ATG7: variants seen among roughly 807,000 people sequenced by gnomAD.
ATG7 encodes the protein ubiquitin-like modifier-activating enzyme ATG7.
In ATG7, 70 loss-of-function variants were observed where a neutral mutation model predicts 82.4. The observed-to-expected ratio is 0.85, with a 90% CI of 0.70 to 1.04. The LOEUF is 1.04. Among genes scored for constraint, ATG7 ranks in the 50% least tolerant of loss-of-function variants. ATG7 has a pLI of 0.00. For synonymous variants in ATG7, 287 were observed against 313.0 expected (o/e 0.92, Z 0.88); for missense variants, 792 against 864.3 (o/e 0.92, Z 1.05).
chr3:11,412,699 C>CT (rs937786024), intron 19 of ATG7, among the ~76,000 whole-genome samples: 70 of 151,116 alleles, frequency 4.6e-4, no homozygotes, highest in East Asian at 3.3e-3. Context: ...TTTAGGATGG[C>CT]TTTTTTTTTA....
In ATG7 at chr3:11,334,969, AAAAAAAATCTCT is replaced by A. The variant is rs574688990; in HGVS notation, c.889+1877_889+1888del. Among the ~76,000 whole-genome samples, 747 of 151,436 alleles carry A rather than the reference AAAAAAAATCTCT, an allele frequency of 4.9e-3. 5 individuals are homozygous for A. The highest frequency in any genetic ancestry group is 5.6e-3 in the Non-Finnish European group (377 of 67,868). On this transcript the variant is annotated intron_variant, in intron 11 of 20. Coordinates refer to ENST00000693202, the MANE Select transcript of ATG7 (RefSeq NM_001349232.2). ...ACTCTGTCTCAAAAAAAAAAAAAAA[AAAAAAAATCTCT>A]TCTGAGATATCTTTTCTAGAGTGCT...
intron 20 of ATG7, among the ~76,000 whole-genome samples, chr3:11,512,101 A>C (rs2092093931): frequency 6.6e-6 from 1 of 152,170 alleles, no homozygotes; most frequent in East Asian, 1.9e-4. Context: ...GAGCCCAGGC[A>C]GGGGAGGTGC....
chr3:11,542,813 T>C (rs901650434), intron 20 of ATG7, among the ~76,000 whole-genome samples: 1 of 152,176 alleles, frequency 6.6e-6, no homozygotes, highest in Non-Finnish European at 1.5e-5. Flanking sequence ...TTGGAACGGC[T>C]GAGCATAACC....
chr3:11,422,336 A>T (rs1576303124), intron 19 of ATG7, among the ~76,000 whole-genome samples: 1 of 152,372 alleles, frequency 6.6e-6, no homozygotes, highest in Non-Finnish European at 1.5e-5. Context: ...AACATGTTGC[A>T]GCTTCTACAT....
the ATG7 span, among the ~76,000 whole-genome samples, chr3:11,574,117 C>T: frequency 2.6e-5 from 4 of 152,174 alleles, no homozygotes; most frequent in East Asian, 1.9e-4. Context: ...GCACCAGGAA[C>T]GGTGAGACAA....
In ATG7 at chr3:11,299,523, C is replaced by A; in HGVS notation, c.215+107C>A. 2.5e-6 allele frequency: 3 copies of A among 1,178,558 alleles called. No homozygotes were observed. The South Asian group carries it at 3.7e-5, about 15-fold the overall frequency. 73.0% of individuals were successfully genotyped at this position (1,178,558 alleles called of 1,614,324 possible). On this transcript the variant is annotated intron_variant, in intron 5 of 20. Coordinates refer to ENST00000693202, the MANE Select transcript of ATG7 (RefSeq NM_001349232.2). ...GGACCACAGGAGGACTAGGGAAGTTCCCGGTGGGCAGAGTCAGCCCCCCTC... is the reference window on the plus strand; with the variant it reads ...GGACCACAGGAGGACTAGGGAAGTTACCGGTGGGCAGAGTCAGCCCCCCTC...
At chr3:11,449,949 T>G (rs890286053) in intron 20 of ATG7, among the ~76,000 whole-genome samples, 16 of 152,184 alleles carry the variant, frequency 1.1e-4, no homozygotes, top group African/African-American at 3.1e-4. Context: ...CATCAAGTTT[T>G]GTGTTTGGCC....
chr3:11,342,264 A>C lies in ATG7; in HGVS notation c.1110A>C (p.Val370=), dbSNP rs1027693092. The change falls in exon 13 of 21, where the codon GTA becomes GTC. Residue 370 remains valine, a synonymous_variant. Transcript: ENST00000693202. ...GAGCCGGCACCTTGGGTTGCAATGT[A>C]GCTAGGACGTTGATGGTAAGTCGGA... ...LLGAGTLGCN[V]ARTLMGWGVR... 6 of 1,612,794 alleles carry C rather than the reference A, an allele frequency of 3.7e-6. No individual in the cohort carries two copies. The African/African-American group carries it at 4.0e-5, about 11-fold the overall frequency.
intron 20 of ATG7, chr3:11,529,814 C>T (rs183043402): frequency 3.3e-5 from 5 of 152,390 alleles, no homozygotes; most frequent in East Asian, 3.9e-4. Context: ...TGTCTCTGCC[C>T]GAAGGTACCA....
At chr3:11,469,430 CAA>C (rs2087178202) in intron 20 of ATG7, among the ~76,000 whole-genome samples, 1 of 151,232 alleles carries the variant, frequency 6.6e-6, no homozygotes, top group Admixed American at 6.6e-5. Context: ...GCCTGGGCAA[CAA>C]GAGCAAAACT....
intron 20 of ATG7, among the ~76,000 whole-genome samples, chr3:11,542,866 T>TC (rs1259056080): frequency 1.3e-5 from 2 of 150,448 alleles, no homozygotes; most frequent in African/African-American, 4.9e-5. Context: ...TTCCTCTGGG[T>TC]CTAGGTTCTG....
intron 20 of ATG7, among the ~76,000 whole-genome samples, chr3:11,457,528 G>C (rs1052703162): frequency 6.6e-6 from 1 of 152,146 alleles, no homozygotes; most frequent in African/African-American, 2.4e-5. Flanking sequence ...AAATTGTTCT[G>C]TACCCAGGAG....
chr3:11,435,958 G>T (rs2083334305), intron 20 of ATG7, among the ~76,000 whole-genome samples: 1 of 152,108 alleles, frequency 6.6e-6, no homozygotes. Flanking sequence ...CTCTAAGCTG[G>T]GTGTGGTGGC....
In ATG7 at chr3:11,517,347, AAAAAGAAAAG is replaced by A. The variant is rs149664163; in HGVS notation, c.2080-37449_2080-37440del. ...AGAGCCAGACTCCACCTCAAAAAAA[AAAAAGAAAAG>A]AAAAGAAAAGAAAAAAACAATGATG... On this transcript the variant is annotated intron_variant, in intron 20 of 20. Coordinates refer to ENST00000693202, the MANE Select transcript of ATG7 (RefSeq NM_001349232.2). Among the ~76,000 whole-genome samples the A allele has an allele frequency of 1.1e-4, 16 of 149,702 alleles. No individual in the cohort carries two copies. The East Asian group carries it at 1.8e-3, about 17-fold the overall frequency.
At position 11,426,895 on chromosome 3, in the gene ATG7, C is replaced by T; in HGVS notation, c.2048C>T (p.Thr683Ile). ...TTCTTAGAAGACTTGACTGGTCTTA[C>T]ATTGCTGCATCAAGAAACCCAAGCT... ...HSFLEDLTGLTLLHQETQAAE... is the reference protein window; with the variant it reads ...HSFLEDLTGLILLHQETQAAE... The change falls in exon 20 of 21, where the codon ACA (threonine) becomes ATA (isoleucine). Residue 683 changes from threonine (T) to isoleucine (I), a missense_variant. Coordinates refer to ENST00000693202, the MANE Select transcript of ATG7 (RefSeq NM_001349232.2). 1 of 1,607,228 alleles carries T rather than the reference C, an allele frequency of 6.2e-7. No individual in the cohort carries two copies. The highest frequency in any genetic ancestry group is 8.5e-7 in the Non-Finnish European group (1 of 1,177,662).
intron 20 of ATG7, among the ~76,000 whole-genome samples, chr3:11,494,182 C>A (rs2090626359): frequency 6.6e-6 from 1 of 152,194 alleles, no homozygotes; most frequent in Non-Finnish European, 1.5e-5. Context: ...TCAAATCCAT[C>A]TCCCTGACTA....
chr3:11,299,968 A>T (rs1295471904), intron 5 of ATG7, among the ~76,000 whole-genome samples: 1 of 150,804 alleles, frequency 6.6e-6, no homozygotes, highest in Non-Finnish European at 1.5e-5. Context: ...TCTGTCACCC[A>T]GGCTGGAGTG....
chr3:11,306,909 T>C (rs773997902), intron 5 of ATG7, 34 bp from the exon 6 acceptor site: 1 of 1,569,004 alleles, frequency 6.4e-7, no homozygotes, highest in Non-Finnish European at 8.8e-7. Flanking sequence ...GAGTCCCAGC[T>C]GTGCCTGACT....
chr3:11,505,025 A>G (rs1198238331), intron 20 of ATG7, among the ~76,000 whole-genome samples: 1 of 152,220 alleles, frequency 6.6e-6, no homozygotes, highest in East Asian at 1.9e-4. Flanking sequence ...TCAAGAGGTG[A>G]CAATATGAGC....
Sources: allele counts gnomAD v4.1 joint callset (sites outside exome capture counted in the v4.1 genomes callset), GRCh38; gene constraint gnomAD v4.1.1; transcripts MANE v1.5; gene names NCBI Gene and HGNC (gene_info 2026-07-23, HGNC 2026-07-21).